Variants in SND1 observed in about 807,000 individuals in gnomAD.
SND1 encodes staphylococcal nuclease domain-containing protein 1.
A neutral mutation model predicts 121.7 loss-of-function variants in SND1; 38 were observed. The ratio of observed to expected loss-of-function variants is 0.31; its 90% CI spans 0.24 to 0.41. SND1 has a LOEUF of 0.41. Ranked by LOEUF, SND1 falls within the 10% of genes least tolerant of loss-of-function variation. The pLI, the probability that SND1 is intolerant of heterozygous loss-of-function variation, is 1.00. For missense variants in SND1, 868 were observed against 1,184.6 expected (o/e 0.73, Z 3.92); for synonymous variants, 401 against 447.4 (o/e 0.90, Z 1.31).
chr7:128,079,470 AGCCTGGAAGGTGAGAAGGGG>A (rs1485632705), intron 17 of SND1, among the ~76,000 whole-genome samples: 1 of 152,220 alleles, frequency 6.6e-6, no homozygotes, highest in Non-Finnish European at 1.5e-5. Context: ...GGGTATCAGG[AGCCTGGAAGGTGAGAAGGGG>A]TCAGGAACTA....
Position 127,929,247 on chromosome 7 carries a change from T to C in SND1, c.1587T>C (p.Ala529=). The part of the protein sequence containing the change: ...PFLQRAGRSE[A]VVEYVFSGSR... ...TTCAGCGGGCAGGTCGTTCTGAAGC[T>C]GTGGTGGAATACGTCTTCAGTGGTT... is the stretch of plus-strand genomic sequence containing the variant. The change falls in exon 15 of 24, where the codon GCT becomes GCC. Residue 529 remains alanine, a synonymous_variant. Transcript: ENST00000354725. The C allele has an allele frequency of 6.2e-7, 1 of 1,613,916 alleles. No homozygotes were observed. Among genetic ancestry groups the C allele is most frequent in the Non-Finnish European group, 8.5e-7 (1 of 1,179,774 alleles).
chr7:127,816,009 C>T (rs1349501157), intron 11 of SND1, among the ~76,000 whole-genome samples: 1 of 152,162 alleles, frequency 6.6e-6, no homozygotes, highest in East Asian at 1.9e-4. Context: ...TGCCTTCCCT[C>T]CTGCAGACCA....
intron 9 of SND1, among the ~76,000 whole-genome samples, chr7:127,715,678 A>G (rs774312814): frequency 3.9e-5 from 6 of 152,054 alleles, no homozygotes; most frequent in East Asian, 3.9e-4. Flanking sequence ...ATTTTCTCCT[A>G]TTTTGTCAGT....
At position 127,722,979 on chromosome 7, in the gene SND1, G is replaced by C. The variant is rs1587620675; in HGVS notation, c.1152+1579G>C. ...ACATCTCCAATTTTATCAGTATTGG[G>C]AGTAGTCCACAATTCTGCATCTGTG... On this transcript the variant is annotated intron_variant, in intron 10 of 23. Transcript: ENST00000354725. 5.3e-5 allele frequency among the ~76,000 whole-genome samples: 8 copies of C among 152,298 alleles called. 1 individual carries two copies. The highest frequency in any genetic ancestry group is 5.2e-4 in the Admixed American group (8 of 15,308).
intron 12 of SND1, among the ~76,000 whole-genome samples, chr7:127,881,553 A>C (rs1799790346): frequency 6.6e-6 from 1 of 152,146 alleles, no homozygotes; most frequent in Admixed American, 6.6e-5. Flanking sequence ...AAGAGTATAT[A>C]TGTATATGGG....
intron 10 of SND1, among the ~76,000 whole-genome samples, chr7:127,749,043 G>T (rs868782720): frequency 0.021 from 2,469 of 116,504 alleles, 38 homozygotes; most frequent in South Asian, 0.045. Context: ...TTTTTCTTTC[G>T]TTTTTTTTTT....
intron 1 of SND1, among the ~76,000 whole-genome samples, chr7:127,671,575 A>T (rs1795518912): frequency 6.6e-6 from 1 of 152,196 alleles, no homozygotes. Context: ...AGGCTGAGTC[A>T]TCATAGTACA....
chr7:127,816,553 C>T (rs3757778), intron 11 of SND1, among the ~76,000 whole-genome samples: 43,119 of 151,756 alleles, frequency 0.28, 7,676 homozygotes, highest in East Asian at 0.7. Context: ...TGCTTATTTT[C>T]TTTAGAACTC....
intron 15 of SND1, among the ~76,000 whole-genome samples, chr7:127,972,050 T>A (rs917506791): frequency 6.6e-6 from 1 of 151,994 alleles, no homozygotes; most frequent in Non-Finnish European, 1.5e-5. Flanking sequence ...GCTAGGATTA[T>A]AGGCGTGAGC....
At chr7:127,904,917 C>G (rs986494798) in intron 14 of SND1, 98 bp downstream of exon 14, 1 of 793,798 alleles carries the variant, frequency 1.3e-6, no homozygotes. Flanking sequence ...TTCTCTAGCT[C>G]GCTCCTTTTC....
At chr7:127,867,983 C>T (rs1188590329) in intron 12 of SND1, among the ~76,000 whole-genome samples, 1 of 152,050 alleles carries the variant, frequency 6.6e-6, no homozygotes, top group South Asian at 2.1e-4. Context: ...TTAGCTCTTA[C>T]TCATTCTTCA....
chr7:128,010,232 A>T (rs1181881321), intron 16 of SND1, among the ~76,000 whole-genome samples: 1 of 152,222 alleles, frequency 6.6e-6, no homozygotes, highest in African/African-American at 2.4e-5. Context: ...ATTCATTAGG[A>T]TGACACAGTA....
In SND1 at chr7:128,073,758, G is replaced by A. The variant is rs373018986; in HGVS notation, c.1780-744G>A. ...GCCTTCACGATGTGGGAGCAGATCA[G>A]CTACCACGAGGGCCACGATCCTGAG... On this transcript the variant is annotated intron_variant, in intron 16 of 23. Coordinates refer to ENST00000354725, the MANE Select transcript of SND1 (RefSeq NM_014390.4). 1.2e-4 allele frequency among the ~76,000 whole-genome samples: 19 copies of A among 152,324 alleles called. No homozygotes were observed. In the East Asian group the frequency reaches 1.3e-3, roughly 11 times the overall value.
At chr7:127,696,136 G>A (rs935237013) in intron 3 of SND1, among the ~76,000 whole-genome samples, 5 of 152,080 alleles carry the variant, frequency 3.3e-5, no homozygotes, top group African/African-American at 1.2e-4. Flanking sequence ...CTCATGTAAC[G>A]GAGTTGATTT....
intron 17 of SND1, 148 bp downstream of exon 17, chr7:128,074,838 C>T (rs1793479861): frequency 6.5e-6 from 5 of 770,700 alleles, no homozygotes; most frequent in Non-Finnish European, 2.0e-6. Context: ...ACCAAGGCCA[C>T]ACACAGGCGA....
At position 127,914,288 on chromosome 7, in the gene SND1, T is replaced by G. The variant is rs1473743630; in HGVS notation, c.1527+9469T>G. Among the ~76,000 whole-genome samples, 4 of 152,330 alleles carry G rather than the reference T, an allele frequency of 2.6e-5. No homozygotes were observed. The East Asian group carries it at 7.7e-4, about 29-fold the overall frequency. ...AGGTCCTCAGTTGACTGACTCGGAC[T>G]TCATTGTTAATTAGCATTTGTTGAA... is the stretch of plus-strand genomic sequence containing the variant. On this transcript the variant is annotated intron_variant, in intron 14 of 23. Coordinates refer to ENST00000354725, the MANE Select transcript of SND1 (RefSeq NM_014390.4).
At chr7:127,895,735 A>C (rs1396171402) in intron 13 of SND1, among the ~76,000 whole-genome samples, 1 of 152,118 alleles carries the variant, frequency 6.6e-6, no homozygotes, top group Non-Finnish European at 1.5e-5. Context: ...AAGATGATGC[A>C]CTCAACATCC....
At chr7:127,993,466 A>G (rs1659162975) in intron 16 of SND1, among the ~76,000 whole-genome samples, 1 of 152,200 alleles carries the variant, frequency 6.6e-6, no homozygotes, top group African/African-American at 2.4e-5. Context: ...GGATGCCTGA[A>G]TGTGGGCCCA....
intron 14 of SND1, among the ~76,000 whole-genome samples, chr7:127,920,765 TTTA>T (rs1481943760): frequency 1.3e-5 from 2 of 152,040 alleles, no homozygotes; most frequent in African/African-American, 4.8e-5. Context: ...TGCTTGATAC[TTTA>T]TCCTAACTAG....
Sources: allele counts gnomAD v4.1 joint callset (sites outside exome capture counted in the v4.1 genomes callset), GRCh38; gene constraint gnomAD v4.1.1; transcripts MANE v1.5; gene names NCBI Gene and HGNC (gene_info 2026-07-23, HGNC 2026-07-21).